KCNB2: variants seen among roughly 807,000 people sequenced by gnomAD.
KCNB2 encodes the protein potassium voltage-gated channel subfamily B member 2, also known as delayed rectifier potassium channel protein.
KCNB2 carries 15 observed loss-of-function variants against 61.5 expected under a neutral mutation model. The ratio of observed to expected loss-of-function variants is 0.24; its 90% CI spans 0.16 to 0.38. KCNB2 has a LOEUF of 0.38. KCNB2 is among the 10% of genes least tolerant of loss of function. KCNB2 has a pLI of 1.00. For synonymous variants in KCNB2, 457 were observed against 446.0 expected (o/e 1.02, Z -0.31); for missense variants, 828 against 1,125.2 (o/e 0.74, Z 3.78).
chr8:72,678,370 G>T (rs1370714265), intron 2 of KCNB2, among the ~76,000 whole-genome samples: 1 of 152,102 alleles, frequency 6.6e-6, no homozygotes, highest in Non-Finnish European at 1.5e-5. Flanking sequence ...GTCTTTATCA[G>T]GTCCTCATAG....
chr8:72,856,528 C>T (rs554656632), intron 2 of KCNB2, among the ~76,000 whole-genome samples: 27 of 152,254 alleles, frequency 1.8e-4, no homozygotes, highest in African/African-American at 5.3e-4. Flanking sequence ...ATAATTTAGA[C>T]GCTTATGTAA....
intron 2 of KCNB2, among the ~76,000 whole-genome samples, chr8:72,932,128 A>T (rs1306774752): frequency 1.3e-5 from 2 of 152,206 alleles, no homozygotes; most frequent in Non-Finnish European, 2.9e-5. Context: ...GAGGCTGCTT[A>T]TTCTCATGGC....
chr8:72,915,948 G>C (rs889838027), intron 2 of KCNB2, among the ~76,000 whole-genome samples: 3 of 151,992 alleles, frequency 2.0e-5, no homozygotes, highest in Non-Finnish European at 4.4e-5. Context: ...AATCTGAAAG[G>C]ATTCTTTGCA....
chr8:72,672,438 T>C (rs1806579939), intron 2 of KCNB2, among the ~76,000 whole-genome samples: 2 of 152,158 alleles, frequency 1.3e-5, no homozygotes, highest in African/African-American at 4.8e-5. Flanking sequence ...ACATCCTGAA[T>C]TATGGATGGT....
intron 2 of KCNB2, among the ~76,000 whole-genome samples, chr8:72,924,020 G>A (rs541417522): frequency 2.0e-5 from 3 of 152,264 alleles, no homozygotes; most frequent in South Asian, 2.1e-4. Flanking sequence ...AACAGGCTCC[G>A]TGTCTTGACT....
At chr8:72,912,229 C>T (rs1047135636) in intron 2 of KCNB2, among the ~76,000 whole-genome samples, 41 of 152,110 alleles carry the variant, frequency 2.7e-4, no homozygotes, top group African/African-American at 9.7e-4. Flanking sequence ...ATGTGTAACC[C>T]AACTCCACAT....
chr8:72,565,142 T>C (rs1806604823), intron 1 of KCNB2, among the ~76,000 whole-genome samples: 2 of 36,204 alleles, frequency 5.5e-5, no homozygotes, highest in African/African-American at 8.8e-5. Flanking sequence ...AATGTGTGTG[T>C]ATATATATAT....
intron 1 of KCNB2, among the ~76,000 whole-genome samples, chr8:72,561,176 G>A (rs77741287): frequency 3.7e-5 from 5 of 136,774 alleles, no homozygotes; most frequent in South Asian, 2.3e-4. Context: ...TTTTTTTTTT[G>A]ACACAGAGTC....
intron 2 of KCNB2, among the ~76,000 whole-genome samples, chr8:72,671,759 T>C (rs1440360): frequency 0.4 from 61,014 of 152,086 alleles, 16,327 homozygotes; most frequent in East Asian, 0.76. Flanking sequence ...GCAGTTGTGC[T>C]ACAGGCAGAG....
Position 72,930,781 on chromosome 8 carries a change from T to C in KCNB2, c.580-5154T>C, listed in dbSNP as rs1370335763. ...ACTCTGACGGTAGTTTCTTTTGCTG[T>C]GCAGAAGCTCTTTAGTTTAATTAGA... On this transcript the variant is annotated intron_variant, in intron 2 of 2. Coordinates refer to ENST00000523207, the MANE Select transcript of KCNB2 (RefSeq NM_004770.3). Among the ~76,000 whole-genome samples, 5 of 152,276 alleles carry C rather than the reference T, an allele frequency of 3.3e-5. No individual in the cohort carries two copies. In the East Asian group the frequency reaches 9.6e-4, roughly 29 times the overall value.
rs559470586 is a variant in KCNB2 at position 72,858,654 on chromosome 8, C to T, written c.580-77281C>T. On this transcript the variant is annotated intron_variant, in intron 2 of 2. Coordinates refer to ENST00000523207, the MANE Select transcript of KCNB2 (RefSeq NM_004770.3). ...GACCCTCTCATACAATGAAGAATAT[C>T]AAGAAAAGATCTGGAAATGAGGAGG... 9.4e-4 allele frequency among the ~76,000 whole-genome samples: 143 copies of T among 152,280 alleles called. 2 individuals carry two copies. The Middle Eastern group carries it at 0.01, about 11-fold the overall frequency.
intron 1 of KCNB2, among the ~76,000 whole-genome samples, chr8:72,561,261 A>G (rs1469081113): frequency 2.6e-5 from 4 of 151,680 alleles, no homozygotes; most frequent in Non-Finnish European, 4.4e-5. Context: ...GGTTCTGGCA[A>G]TTCTCCTGCC....
chr8:72,936,742 G>A lies in KCNB2; in HGVS notation c.1387G>A (p.Glu463Lys), dbSNP rs767528104. The A allele has an allele frequency of 6.2e-7, 1 of 1,614,202 alleles. No individual in the cohort carries two copies. The highest frequency in any genetic ancestry group is 2.2e-5 in the East Asian group (1 of 44,882). The change falls in exon 3 of 3, where the codon GAA becomes AAA. Residue 463 changes from glutamate to lysine, a missense_variant. Physicochemically the swap from Glu to Lys is moderately conservative, Grantham distance 56. Coordinates refer to ENST00000523207, the MANE Select transcript of KCNB2 (RefSeq NM_004770.3). This position sits in a 1 kb window ranked among gnomAD's most constrained non-coding sequence, Gnocchi z 5.6. ...AAAAGATGCCTTCGCTCGAAGTATG[G>A]AACTGATAGATGTGGCTGTTGAGAA... ...NLKDAFARSM[E>K]LIDVAVEKAG...
At chr8:72,736,015 A>G (rs1807838784) in intron 2 of KCNB2, among the ~76,000 whole-genome samples, 1 of 152,160 alleles carries the variant, frequency 6.6e-6, no homozygotes, top group African/African-American at 2.4e-5. Context: ...GCAGGCCCAC[A>G]AGATTTTAAT....
chr8:72,820,939 A>G (rs1809487572), intron 2 of KCNB2, among the ~76,000 whole-genome samples: 1 of 152,160 alleles, frequency 6.6e-6, no homozygotes, highest in South Asian at 2.1e-4. Context: ...TTTCATACAA[A>G]CCAAACACAT....
At chr8:72,906,972 A>G (rs10087370) in intron 2 of KCNB2, among the ~76,000 whole-genome samples, 89,570 of 152,070 alleles carry the variant, frequency 0.59, 27,719 homozygotes, top group Middle Eastern at 0.7. Context: ...ATAGGTACTT[A>G]CTGATAAGTG....
intron 2 of KCNB2, among the ~76,000 whole-genome samples, chr8:72,919,774 A>G (rs1806471498): frequency 6.6e-6 from 1 of 152,224 alleles, no homozygotes; most frequent in African/African-American, 2.4e-5. Flanking sequence ...TTATCTGGAC[A>G]TTTGTCATAA....
At chr8:72,582,293 A>T (rs568558141) in intron 2 of KCNB2, among the ~76,000 whole-genome samples, 1 of 152,348 alleles carries the variant, frequency 6.6e-6, no homozygotes, top group African/African-American at 2.4e-5. Flanking sequence ...CATCCTGTTC[A>T]GGGCTTTAAG....
intron 2 of KCNB2, among the ~76,000 whole-genome samples, chr8:72,691,564 A>G (rs1806940991): frequency 6.6e-6 from 1 of 152,226 alleles, no homozygotes; most frequent in Non-Finnish European, 1.5e-5. Flanking sequence ...TGTTAAGTAC[A>G]CATTGCAACT....
Sources: gnomAD v4.1 joint callset for allele counts (sites outside exome capture counted in the v4.1 genomes callset) on GRCh38, gnomAD v4.1.1 for gene constraint, Gnocchi (gnomAD v3.1) non-coding constraint, MANE v1.5 for transcripts, NCBI Gene and HGNC (gene_info 2026-07-23, HGNC 2026-07-21) for gene names.